Variants in KIF21A observed in about 807,000 individuals in gnomAD.
KIF21A encodes the protein kinesin family member 21A.
Under a neutral mutation model 202.9 loss-of-function variants are expected in KIF21A, and 114 were observed. The observed-to-expected ratio is 0.56, with a 90% CI of 0.48 to 0.66. The LOEUF (loss-of-function observed/expected upper bound fraction) is 0.66, where lower values mean the gene tolerates loss of function less well. KIF21A is among the 30% of genes least tolerant of loss of function. KIF21A has a pLI of 0.00. For missense variants in KIF21A, 1,677 were observed against 1,994.9 expected (o/e 0.84, Z 3.04); for synonymous variants, 667 against 670.8 (o/e 0.99, Z 0.09).
chr12:39,393,984 C>T (rs1951552668), intron 1 of KIF21A, among the ~76,000 whole-genome samples: 1 of 152,224 alleles, frequency 6.6e-6, no homozygotes, highest in Admixed American at 6.5e-5. Context: ...ACAAGCATTG[C>T]AGCTTGGATT....
At chr12:39,428,777 G>A (rs1196338957) in intron 1 of KIF21A, among the ~76,000 whole-genome samples, 1 of 152,094 alleles carries the variant, frequency 6.6e-6, no homozygotes, top group Non-Finnish European at 1.5e-5. Context: ...GGCCAACATG[G>A]TGAAACCCTG....
intron 1 of KIF21A, among the ~76,000 whole-genome samples, chr12:39,384,609 A>G (rs1950825584): frequency 6.6e-6 from 1 of 152,200 alleles, no homozygotes; most frequent in South Asian, 2.1e-4. Flanking sequence ...AGCAGCAAAG[A>G]ACTCTTAATC....
chr12:39,319,514 G>A (rs1944967530), intron 28 of KIF21A, among the ~76,000 whole-genome samples: 6 of 152,064 alleles, frequency 3.9e-5, no homozygotes, highest in Admixed American at 3.9e-4. Context: ...CTCTAAAGAG[G>A]TAGGGTCAAG....
rs945939403 is a variant in KIF21A, at chr12:39,367,911, G to A, written c.572C>T (p.Thr191Ile). 4.3e-6 allele frequency: 7 copies of A among 1,609,310 alleles called. No homozygotes were observed. The African/African-American group carries it at 9.4e-5, about 22-fold the overall frequency. ...STGGIYTVGV[T>I]TRTVNTESEM... Reference sequence around the variant, plus strand: ...TGATTCTGTATTCACAGTACGTGTTGTAACGCCCACAGTATAAATTCCTCC... The same window carrying A: ...TGATTCTGTATTCACAGTACGTGTTATAACGCCCACAGTATAAATTCCTCC... The change falls in exon 4 of 38, where the codon ACA becomes ATA. Residue 191 changes from threonine to isoleucine, a missense_variant. This residue lies in a region of KIF21A where 966 missense variants were observed against 1,180.9 expected (regional missense o/e 0.82). Transcript: ENST00000361418.
At chr12:39,329,080 A>G (rs1946251678) in intron 24 of KIF21A, among the ~76,000 whole-genome samples, 1 of 152,238 alleles carries the variant, frequency 6.6e-6, no homozygotes, top group Non-Finnish European at 1.5e-5. Flanking sequence ...CTGGAGAACA[A>G]CTAAATGATT....
intron 1 of KIF21A, among the ~76,000 whole-genome samples, chr12:39,401,775 C>T (rs889489932): frequency 6.6e-6 from 1 of 152,156 alleles, no homozygotes; most frequent in Non-Finnish European, 1.5e-5. Flanking sequence ...TTTTGCTAGA[C>T]ATTTGCCTTT....
intron 1 of KIF21A, among the ~76,000 whole-genome samples, chr12:39,386,730 G>A (rs151152418): frequency 6.6e-6 from 1 of 152,268 alleles, no homozygotes; most frequent in African/African-American, 2.4e-5. Flanking sequence ...AGACGTCTAA[G>A]TGAATTCAGC....
At chr12:39,332,125 C>T (rs2138116845) in intron 21 of KIF21A, 89 bp downstream of exon 21, 1 of 1,221,508 alleles carries the variant, frequency 8.2e-7, no homozygotes, top group Non-Finnish European at 1.2e-6. Context: ...TAGAAAATAC[C>T]TTCATGTAAA....
At chr12:39,388,466 T>C (rs1951109301) in intron 1 of KIF21A, among the ~76,000 whole-genome samples, 2 of 152,170 alleles carry the variant, frequency 1.3e-5, no homozygotes, top group Non-Finnish European at 2.9e-5. Flanking sequence ...GACGAAGACA[T>C]TCTCCCTGTT....
chr12:39,337,454 A>T, intron 16 of KIF21A: 1 of 438,666 alleles, frequency 2.3e-6, no homozygotes, highest in Non-Finnish European at 4.1e-6. Flanking sequence ...TGCAACTTGA[A>T]ATCTTGATAC....
chr12:39,380,018 A>G (rs1566060254), intron 1 of KIF21A, among the ~76,000 whole-genome samples: 1 of 152,174 alleles, frequency 6.6e-6, no homozygotes, highest in Non-Finnish European at 1.5e-5. Flanking sequence ...CTCAGGCTGG[A>G]GTGCAGTGGC....
At chr12:39,428,567 A>C (rs1423566436) in intron 1 of KIF21A, among the ~76,000 whole-genome samples, 1 of 152,232 alleles carries the variant, frequency 6.6e-6, no homozygotes, top group African/African-American at 2.4e-5. Context: ...AAATTTTTAT[A>C]ATATGCAATG....
chr12:39,297,843 TATTGCCTGGGAGCAGGCAATA>T (rs2137043658), intron 37 of KIF21A, among the ~76,000 whole-genome samples: 1 of 150,402 alleles, frequency 6.6e-6, no homozygotes, highest in East Asian at 1.9e-4. Flanking sequence ...AGTTTGTCAT[TATTGCCTGGGAGCAGGCAATA>T]ATAATAATTA....
chr12:39,369,805 A>G lies in KIF21A; in HGVS notation c.374T>C (p.Ile125Thr). 5 of 1,612,958 alleles carry G rather than the reference A, an allele frequency of 3.1e-6. No homozygotes were observed. Among genetic ancestry groups the G allele is most frequent in the Non-Finnish European group, 3.4e-6 (4 of 1,179,314 alleles). Residue 125 changes from isoleucine (I) to threonine (T), a missense_variant, in exon 3 of 38, where the codon ATT becomes ACT. Around this residue, in one of 3 missense-constraint regions of KIF21A, gnomAD observed 966 missense variants for 1,180.9 expected, o/e 0.82. Transcript: ENST00000361418. ...SRAVKHLFKS[I>T]EEKKHIAIKN... ...AATTGCTATGTGTTTTTTTTCTTCA[A>G]TACTCTTAAAAAGGTGTTTAACAGC...
chr12:39,398,474 G>A (rs950847001), intron 1 of KIF21A, among the ~76,000 whole-genome samples: 3 of 152,170 alleles, frequency 2.0e-5, no homozygotes, highest in East Asian at 1.9e-4. Context: ...AGTGGCATGC[G>A]CCTGTAGTCC....
At chr12:39,367,667 T>C (rs1055983219) in intron 4 of KIF21A, among the ~76,000 whole-genome samples, 5 of 152,194 alleles carry the variant, frequency 3.3e-5, no homozygotes, top group Admixed American at 3.3e-4. Context: ...TTAGATTCTT[T>C]TGATGCTATG....
At chr12:39,326,367 C>T (rs773024563) in intron 24 of KIF21A, 43 bp from the exon 25 acceptor site, 1 of 1,363,468 alleles carries the variant, frequency 7.3e-7, no homozygotes, top group Non-Finnish European at 1.0e-6. Flanking sequence ...CCCCATGTCA[C>T]AGTTTGAATG....
In KIF21A at chr12:39,318,066, G is replaced by A. The variant is rs1291220130; in HGVS notation, c.3908+7C>T. On this transcript the variant is annotated splice_region_variant and intron_variant, in intron 29 of 37. Coordinates refer to ENST00000361418, the MANE Select transcript of KIF21A (RefSeq NM_001173464.2). ...AATAATTGGGGCTCTTTTCCATAAT[G>A]ACTTACTTATCCTGCTGAACTGATG... 7 of 1,611,156 alleles carry A rather than the reference G, an allele frequency of 4.3e-6. No individual in the cohort carries two copies. The South Asian group carries it at 5.5e-5, about 13-fold the overall frequency.
At chr12:39,397,699 T>G (rs1294269317) in intron 1 of KIF21A, among the ~76,000 whole-genome samples, 2 of 152,154 alleles carry the variant, frequency 1.3e-5, no homozygotes. Flanking sequence ...CAAACTGTTG[T>G]AGTAGTAGGG....
Sources: gnomAD v4.1 joint callset for allele counts (sites outside exome capture counted in the v4.1 genomes callset) on GRCh38, gnomAD v4.1.1 for gene constraint, gnomAD v4.1.1 regional missense constraint, MANE v1.5 for transcripts, NCBI Gene and HGNC (gene_info 2026-07-23, HGNC 2026-07-21) for gene names.